CYP2J2: variants seen among roughly 807,000 people sequenced by gnomAD.
The protein encoded by CYP2J2 is cytochrome P450 2J2.
In CYP2J2, 41 loss-of-function variants were observed where a neutral mutation model predicts 48.8. The observed-to-expected ratio is 0.84, with a 90% CI of 0.66 to 1.09. CYP2J2 has a LOEUF of 1.09. Among genes scored for constraint, CYP2J2 ranks in the 50% least tolerant of loss-of-function variants. The probability of loss-of-function intolerance (pLI) is 0.00; values close to 1 mark genes in which losing one functional copy is unlikely to be tolerated. For missense variants in CYP2J2, 644 were observed against 617.3 expected (o/e 1.04, Z -0.46); for synonymous variants, 221 against 227.1 (o/e 0.97, Z 0.24).
the CYP2J2 span, among the ~76,000 whole-genome samples, chr1:59,943,386 G>A: frequency 6.6e-6 from 1 of 152,172 alleles, no homozygotes; most frequent in African/African-American, 2.4e-5. Flanking sequence ...AGTACAACTC[G>A]TCCTCACCCC....
chr1:59,919,195 C>T (rs951151050), intron 1 of CYP2J2, among the ~76,000 whole-genome samples: 6 of 152,082 alleles, frequency 3.9e-5, no homozygotes, highest in African/African-American at 1.4e-4. Context: ...CATGCTGTTT[C>T]TATATTTCTC....
chr1:59,940,132 CAAG>C, the CYP2J2 span, among the ~76,000 whole-genome samples: 10 of 152,168 alleles, frequency 6.6e-5, no homozygotes, highest in East Asian at 1.9e-4. Context: ...TCACTTTTCT[CAAG>C]AAGAAGGAGT....
chr1:59,955,784 T>C, the CYP2J2 span, among the ~76,000 whole-genome samples: 1 of 152,148 alleles, frequency 6.6e-6, no homozygotes. Context: ...GGGGGTTGGC[T>C]GTATTCTTCA....
chr1:59,943,008 G>A, the CYP2J2 span, among the ~76,000 whole-genome samples: 23 of 152,202 alleles, frequency 1.5e-4, no homozygotes, highest in Admixed American at 4.6e-4. Flanking sequence ...AATTTTGGGT[G>A]GTGGTGCTAT....
At chr1:59,945,277 G>A in the CYP2J2 span, among the ~76,000 whole-genome samples, 359 of 152,116 alleles carry the variant, frequency 2.4e-3, no homozygotes, top group Non-Finnish European at 4.3e-3. Context: ...GTTATGAGAC[G>A]AAGAGAGAGA....
chr1:59,924,727 G>A (rs1644549479), intron 1 of CYP2J2, among the ~76,000 whole-genome samples: 1 of 151,566 alleles, frequency 6.6e-6, no homozygotes, highest in Non-Finnish European at 1.5e-5. Context: ...GTAATTCACA[G>A]GAAGATAGGA....
At chr1:59,934,997 T>C in the CYP2J2 span, among the ~76,000 whole-genome samples, 2 of 50,030 alleles carry the variant, frequency 4.0e-5, no homozygotes, top group Non-Finnish European at 6.9e-5. Context: ...GGGATATATA[T>C]ATATATATAT....
chr1:59,952,033 C>T, the CYP2J2 span, among the ~76,000 whole-genome samples: 1 of 152,156 alleles, frequency 6.6e-6, no homozygotes, highest in East Asian at 1.9e-4. Flanking sequence ...ACAAAGTTCA[C>T]TAAATACTGT....
intron 6 of CYP2J2, 68 bp from the exon 7 acceptor site, chr1:59,905,126 G>A: frequency 1.4e-6 from 2 of 1,463,206 alleles, no homozygotes; most frequent in Admixed American, 2.1e-5. Context: ...GGTATGAGTG[G>A]TCTCCAAGAT....
chr1:59,921,708 C>CCAA (rs1176434858), intron 1 of CYP2J2, among the ~76,000 whole-genome samples: 1 of 151,042 alleles, frequency 6.6e-6, no homozygotes, highest in Non-Finnish European at 1.5e-5. Flanking sequence ...AGCTAGACAA[C>CCAA]CGGTTAGACC....
intron 5 of CYP2J2, among the ~76,000 whole-genome samples, chr1:59,909,485 G>A (rs1387714937): frequency 6.6e-6 from 1 of 152,182 alleles, no homozygotes; most frequent in African/African-American, 2.4e-5. Flanking sequence ...CTGTGCTTCT[G>A]GCTTTGAAGA....
the CYP2J2 span, among the ~76,000 whole-genome samples, chr1:59,967,134 C>A: frequency 6.6e-6 from 1 of 152,130 alleles, no homozygotes; most frequent in African/African-American, 2.4e-5. Context: ...ACTCCAGACA[C>A]AAAAGCTTAC....
At chr1:59,919,591 A>G (rs1019190305) in intron 1 of CYP2J2, among the ~76,000 whole-genome samples, 7 of 152,262 alleles carry the variant, frequency 4.6e-5, no homozygotes, top group Non-Finnish European at 1.0e-4. Flanking sequence ...AGAAAAAAAA[A>G]TAAACAAGGA....
the CYP2J2 span, among the ~76,000 whole-genome samples, chr1:59,959,323 T>C: frequency 2.6e-5 from 4 of 152,174 alleles, no homozygotes; most frequent in Non-Finnish European, 5.9e-5. Context: ...CACCAGAATG[T>C]AAGCCCTCAT....
chr1:59,900,241 T>C lies in CYP2J2; in HGVS notation c.1330+724A>G, dbSNP rs187676669. On this transcript the variant is annotated intron_variant, in intron 8 of 8. Transcript: ENST00000371204. ...GTGGCAAATAAGTTTCTCCTTCCCC[T>C]TGTCCCTCTCTATCTCATTATAAAT... 1.8e-3 allele frequency among the ~76,000 whole-genome samples: 272 copies of C among 152,306 alleles called. 1 individual carries two copies. Among genetic ancestry groups the C allele is most frequent in the African/African-American group, 6.2e-3 (257 of 41,552 alleles).
the CYP2J2 span, among the ~76,000 whole-genome samples, chr1:59,960,949 AT>A: frequency 1.3e-5 from 2 of 152,214 alleles, no homozygotes; most frequent in Non-Finnish European, 2.9e-5. Context: ...AAGAAAAAGG[AT>A]GACTTTTGAC....
chr1:59,924,540 G>T (rs1368967737), intron 1 of CYP2J2, among the ~76,000 whole-genome samples: 1 of 152,028 alleles, frequency 6.6e-6, no homozygotes, highest in Non-Finnish European at 1.5e-5. Context: ...GAACCTAAAT[G>T]GTTGCAAGAT....
chr1:59,960,875 G>C, the CYP2J2 span, among the ~76,000 whole-genome samples: 2 of 152,112 alleles, frequency 1.3e-5, no homozygotes, highest in African/African-American at 4.8e-5. Context: ...TTTGACCAAA[G>C]TGCCAAGACA....
intron 3 of CYP2J2, 57 bp downstream of exon 3, chr1:59,912,105 T>A (rs1644422234): frequency 6.5e-7 from 1 of 1,537,526 alleles, no homozygotes; most frequent in Non-Finnish European, 8.8e-7. Context: ...TTAGTAAGTA[T>A]CTGTCCAATG....
Sources: gnomAD v4.1 joint callset for allele counts (sites outside exome capture counted in the v4.1 genomes callset) on GRCh38, gnomAD v4.1.1 for gene constraint, MANE v1.5 for transcripts, NCBI Gene and HGNC (gene_info 2026-07-23, HGNC 2026-07-21) for gene names.